The following ESPL1 variants were observed in gnomAD, a reference collection of about 807,000 sequenced individuals.
The protein encoded by ESPL1 is separin.
ESPL1 carries 50 observed loss-of-function variants against 217.2 expected under a neutral mutation model. The ratio of observed to expected loss-of-function variants is 0.23; its 90% CI spans 0.18 to 0.29. ESPL1 has a LOEUF of 0.29. ESPL1 is among the 10% of genes least tolerant of loss of function. ESPL1 has a pLI of 1.00. For missense variants in ESPL1, 1,834 were observed against 2,603.0 expected, an observed-to-expected ratio of 0.70 and a Z score of 6.43; for synonymous variants, 994 against 1,081.3, an observed-to-expected ratio of 0.92 and a Z score of 1.58.
chr12:53,288,045 G>A lies in ESPL1; in HGVS notation c.4250G>A (p.Arg1417Lys). 6.2e-7 allele frequency: 1 copy of A among 1,613,606 alleles called. No individual in the cohort carries two copies. The highest frequency in any genetic ancestry group is 1.3e-5 in the African/African-American group (1 of 75,074). Residue 1417 changes from arginine (R) to lysine (K), a missense_variant, in exon 19 of 31, where the codon AGA (arginine) becomes AAA (lysine). Around this residue, in one of 5 missense-constraint regions of ESPL1, gnomAD observed 681 missense variants for 808.0 expected, o/e 0.84. Coordinates refer to ENST00000257934, the MANE Select transcript of ESPL1 (RefSeq NM_012291.5). Reference sequence around the variant, plus strand: ...GCCTGGCTGGCAGAGGAGCCTAAGAGACGGGGCACTGCTTCCCGGGGCCGG... The same window carrying A: ...GCCTGGCTGGCAGAGGAGCCTAAGAAACGGGGCACTGCTTCCCGGGGCCGG... The part of the protein sequence containing the change: ...AEAWLAEEPK[R>K]RGTASRGRGR...
chr12:53,276,531 C>T (rs1943767677), intron 7 of ESPL1, 89 bp from the exon 8 acceptor site: 1 of 1,415,436 alleles, frequency 7.1e-7, no homozygotes, highest in Non-Finnish European at 9.4e-7. Context: ...CTGAGCAAGC[C>T]AAGGCTGGGG....
intron 7 of ESPL1, among the ~76,000 whole-genome samples, chr12:53,275,633 G>A (rs894559557): frequency 1.3e-5 from 2 of 152,128 alleles, no homozygotes; most frequent in East Asian, 3.8e-4. Context: ...TACTTGGGGG[G>A]TATAGTGGTG....
Position 53,288,667 on chromosome 12 carries a change from G to A in ESPL1, c.4676G>A (p.Arg1559Gln), listed in dbSNP as rs766352133. 7 of 1,613,428 alleles carry A rather than the reference G, an allele frequency of 4.3e-6. No individual in the cohort carries two copies. The highest frequency in any genetic ancestry group is 1.1e-5 in the South Asian group (1 of 91,042). ...DKESDKDLGP[R>Q]LRLPSAPVAT... ...GAGAGTGACAAGGACCTTGGTCCTCGGCTCCGGCTCCCCTCAGCCCCCGTA... is the reference window on the plus strand; with the variant it reads ...GAGAGTGACAAGGACCTTGGTCCTCAGCTCCGGCTCCCCTCAGCCCCCGTA... The change falls in exon 20 of 31, where the codon CGG (arginine) becomes CAG (glutamine). Residue 1559 changes from arginine (R) to glutamine (Q), a missense_variant. Arg to Gln is a conservative substitution (Grantham distance 43). Around this residue, in one of 5 missense-constraint regions of ESPL1, gnomAD observed 681 missense variants for 808.0 expected, o/e 0.84. Transcript: ENST00000257934.
chr12:53,278,183 A>G (rs936390851), intron 11 of ESPL1, among the ~76,000 whole-genome samples: 3 of 152,184 alleles, frequency 2.0e-5, no homozygotes, highest in Non-Finnish European at 4.4e-5. Flanking sequence ...CTTATCTCTA[A>G]AATAGGGGCC....
In ESPL1 at chr12:53,288,522, C is replaced by G. The variant is rs1333580018; in HGVS notation, c.4547-16C>G. 3 of 1,601,202 alleles carry G rather than the reference C, an allele frequency of 1.9e-6. No homozygotes were observed. In the African/African-American group the frequency reaches 4.0e-5, roughly 22 times the overall value. ...GGGGGAGGGAGCACTGTGAAAAAGG[C>G]CTGCTCTCTCCCCAGGTGGGAAGAC... On this transcript the variant is annotated splice_polypyrimidine_tract_variant and intron_variant, in intron 19 of 30. Coordinates refer to ENST00000257934, the MANE Select transcript of ESPL1 (RefSeq NM_012291.5).
Position 53,289,453 on chromosome 12 carries a change from G to C in ESPL1, c.4972G>C (p.Gly1658Arg). 6.2e-7 allele frequency: 1 copy of C among 1,614,144 alleles called. No homozygotes were observed. Among genetic ancestry groups the C allele is most frequent in the Non-Finnish European group, 8.5e-7 (1 of 1,180,042 alleles). Residue 1658 changes from glycine (G) to arginine (R), a missense_variant, in exon 22 of 31, where the codon GGG becomes CGG. Around this residue, in one of 5 missense-constraint regions of ESPL1, gnomAD observed 681 missense variants for 808.0 expected, o/e 0.84. Coordinates refer to ENST00000257934, the MANE Select transcript of ESPL1 (RefSeq NM_012291.5). ...GSLEIADQLQ[G>R]LSLQEMPGDV... The stretch of plus-strand genomic sequence containing the variant: ...ACTTGAAATAGCAGACCAGCTGCAG[G>C]GGCTGAGCCTTCAGGAGATGCCTGG...
chr12:53,293,241 T>A lies in ESPL1; in HGVS notation c.6162-32T>A. On this transcript the variant is annotated intron_variant, in intron 30 of 30. Transcript: ENST00000257934. This position sits in a 1 kb window ranked among gnomAD's most constrained non-coding sequence, Gnocchi z 4.2. ...TCCTATGTATTCTGTTTTAGAGCCC[T>A]TACTTTGTATTTCCTCCTTTTCTTT... is the stretch of plus-strand genomic sequence containing the variant. 6.4e-7 allele frequency: 1 copy of A among 1,571,292 alleles called. No homozygotes were observed. Among genetic ancestry groups the A allele is most frequent in the African/African-American group, 1.3e-5 (1 of 74,180 alleles).
At chr12:53,285,857 G>A (rs1252478629) in intron 17 of ESPL1, 67 bp from the exon 18 acceptor site, 2 of 1,369,178 alleles carry the variant, frequency 1.5e-6, no homozygotes, top group Non-Finnish European at 2.0e-6. Context: ...TGGGCCCCAA[G>A]GTCGCTCAGG....
rs770973062 is a variant in ESPL1 at position 53,292,917 on chromosome 12, G to A, written c.6108G>A (p.Val2036=). The A allele has an allele frequency of 9.9e-6, 16 of 1,613,948 alleles. No individual in the cohort carries two copies. In the Middle Eastern group the frequency reaches 1.6e-3, roughly 166 times the overall value. Residue 2036 remains valine, a synonymous_variant, in exon 30 of 31, where the codon GTG becomes GTA. Transcript: ENST00000257934. This position sits in a 1 kb window ranked among gnomAD's most constrained non-coding sequence, Gnocchi z 4.5. ...LFGCSSAALA[V]RGNLEGAGIV... ...GCTGTAGCAGTGCGGCCCTGGCTGTGCGTGGAAACCTGGAGGGGGCTGGCA... is the reference window on the plus strand; with the variant it reads ...GCTGTAGCAGTGCGGCCCTGGCTGTACGTGGAAACCTGGAGGGGGCTGGCA...
intron 1 of ESPL1, 153 bp downstream of exon 1, chr12:53,268,530 T>C (rs1312862376): frequency 2.8e-5 from 15 of 528,660 alleles, no homozygotes; most frequent in East Asian, 3.4e-5. Context: ...CCGAGGCCTC[T>C]GGGGTAGCGC....
chr12:53,286,260 G>A lies in ESPL1; in HGVS notation c.3524G>A (p.Gly1175Asp), dbSNP rs1297840420. ...LVTAGVRLAM[G>D]HQAQGLDLLQ... ...ACGGCAGGGGTGAGGCTGGCCATGG[G>A]CCACCAAGCCCAGGGTCTGGATCTG... The change falls in exon 18 of 31, where the codon GGC (glycine) becomes GAC (aspartate). Residue 1175 changes from glycine (G) to aspartate (D), a missense_variant. Gly to Asp is a moderately conservative substitution (Grantham distance 94). Coordinates refer to ENST00000257934, the MANE Select transcript of ESPL1 (RefSeq NM_012291.5). This position sits in a 1 kb window ranked among gnomAD's most constrained non-coding sequence, Gnocchi z 5.3. 6.2e-7 allele frequency: 1 copy of A among 1,614,192 alleles called. No individual in the cohort carries two copies. Among genetic ancestry groups the A allele is most frequent in the Admixed American group, 1.7e-5 (1 of 60,020 alleles).
intron 5 of ESPL1, 37 bp from the exon 6 acceptor site, chr12:53,272,684 C>G: frequency 6.2e-7 from 1 of 1,604,784 alleles, no homozygotes; most frequent in Non-Finnish European, 8.5e-7. Context: ...TGGTGGGAGC[C>G]TTTCCTATGG....
Position 53,286,410 on chromosome 12 carries a change from A to G in ESPL1, c.3674A>G (p.Gln1225Arg). ...AGCCTCTTGGATGAGATCTTGGCTC[A>G]AGCATACACACTGTTGGCACTGGAG... ...VPSLLDEILA[Q>R]AYTLLALEGL... The change falls in exon 18 of 31, where the codon CAA (glutamine) becomes CGA (arginine). Residue 1225 changes from glutamine (Q) to arginine (R), a missense_variant. This residue lies in a region of ESPL1 where 681 missense variants were observed against 808.0 expected (regional missense o/e 0.84). Transcript: ENST00000257934. This position sits in a 1 kb window ranked among gnomAD's most constrained non-coding sequence, Gnocchi z 5.3. 1.9e-6 allele frequency: 3 copies of G among 1,614,222 alleles called. No individual in the cohort carries two copies. Among genetic ancestry groups the G allele is most frequent in the Non-Finnish European group, 2.5e-6 (3 of 1,180,038 alleles).
At chr12:53,290,817 G>C in intron 24 of ESPL1, 24 bp from the exon 25 acceptor site, 1 of 1,261,708 alleles carries the variant, frequency 7.9e-7, no homozygotes, top group South Asian at 1.5e-5. Context: ...CTCTCTGACT[G>C]AAGGGTCTGC....
In ESPL1 at chr12:53,274,842, TAG is replaced by T; in HGVS notation, c.1537_1538del (p.Ser513PhefsTer6). On this transcript the variant is annotated frameshift_variant, in exon 7 of 31. Coordinates refer to ENST00000257934, the MANE Select transcript of ESPL1 (RefSeq NM_012291.5). LOFTEE classifies it high-confidence loss of function. ...TTGCACAGGTGCTTCCGGCTACAAG[TAG>T]AGAGTTTGAAGAAACTGGGTAAACA... 1 of 1,614,032 alleles carries T rather than the reference TAG, an allele frequency of 6.2e-7. No homozygotes were observed. The highest frequency in any genetic ancestry group is 8.5e-7 in the Non-Finnish European group (1 of 1,179,976).
At chr12:53,288,485 A>G (rs74539646) in intron 19 of ESPL1, 53 bp from the exon 20 acceptor site, 13 of 208,540 alleles carry the variant, frequency 6.2e-5, no homozygotes, top group Admixed American at 3.4e-4. Context: ...AGGAAGAACA[A>G]AGAGAATGGC....
chr12:53,281,620 C>T lies in ESPL1; in HGVS notation c.2613C>T (p.His871=). 6 of 1,612,762 alleles carry T rather than the reference C, an allele frequency of 3.7e-6. No homozygotes were observed. Among genetic ancestry groups the T allele is most frequent in the Non-Finnish European group, 5.1e-6 (6 of 1,179,412 alleles). The change falls in exon 13 of 31, where the codon CAC becomes CAT. Residue 871 remains histidine, a synonymous_variant. Transcript: ENST00000257934. ...TTCGAAGTCAACTCTACTGGACTCA[C>T]CAGAAGGTATTTCTCACTTTCTTAA... ...DLLRSQLYWT[H]QKVTKGVSLL...
chr12:53,288,555 C>T lies in ESPL1; in HGVS notation c.4564C>T (p.Pro1522Ser). Residue 1522 changes from proline to serine, a missense_variant, in exon 20 of 31, where the codon CCG becomes TCG. Pro to Ser is a moderately conservative substitution (Grantham distance 74, BLOSUM62 -1). This residue lies in a region of ESPL1 where 681 missense variants were observed against 808.0 expected (regional missense o/e 0.84). Transcript: ENST00000257934. The part of the protein sequence containing the change: ...DSASGGKTPA[P>S]GPEAASGEWE... ...CTCCCCAGGTGGGAAGACTCCAGCT[C>T]CGGGCCCTGAGGCAGCTTCTGGAGA... 1 of 1,612,916 alleles carries T rather than the reference C, an allele frequency of 6.2e-7. No homozygotes were observed. Among genetic ancestry groups the T allele is most frequent in the African/African-American group, 1.3e-5 (1 of 75,040 alleles).
chr12:53,274,772 T>C, intron 6 of ESPL1, 45 bp from the exon 7 acceptor site: 1 of 1,494,488 alleles, frequency 6.7e-7, no homozygotes, highest in Non-Finnish European at 9.3e-7. Flanking sequence ...CCATACACAC[T>C]CACTGGTTCC....
Sources: allele counts gnomAD v4.1 joint callset (sites outside exome capture counted in the v4.1 genomes callset), GRCh38; gene constraint gnomAD v4.1.1; regional missense constraint gnomAD v4.1.1; non-coding constraint Gnocchi (gnomAD v3.1); transcripts MANE v1.5; gene names NCBI Gene and HGNC (gene_info 2026-07-23, HGNC 2026-07-21).